Variants in SLC12A8 observed in about 807,000 individuals in gnomAD.
The protein encoded by SLC12A8 is cation-chloride cotransporter 9.
Under a neutral mutation model 75.6 loss-of-function variants are expected in SLC12A8, and 69 were observed. That is an observed-to-expected ratio of 0.91 (90% CI 0.75 to 1.11). The LOEUF (loss-of-function observed/expected upper bound fraction) is 1.11. Ranked by LOEUF, SLC12A8 falls within the 50% of genes most tolerant of loss-of-function variation. The pLI, the probability that SLC12A8 is intolerant of heterozygous loss-of-function variation, is 0.00. For synonymous variants in SLC12A8, 365 were observed against 372.8 expected, an observed-to-expected ratio of 0.98 and a Z score of 0.24; for missense variants, 877 against 896.7, an observed-to-expected ratio of 0.98 and a Z score of 0.28.
At position 125,110,173 on chromosome 3, in the gene SLC12A8, A is replaced by T; in HGVS notation, c.1059+16T>A. On this transcript the variant is annotated intron_variant, in intron 9 of 13. Transcript: ENST00000469902. ...ACATGTTTCAAAAAACAAACCAAAA[A>T]AAGAGGATTACTCACCCCTTGTCCC... is the stretch of plus-strand genomic sequence containing the variant. The T allele has an allele frequency of 1.2e-6, 2 of 1,600,354 alleles. No individual in the cohort carries two copies. Among genetic ancestry groups the T allele is most frequent in the Non-Finnish European group, 1.7e-6 (2 of 1,171,528 alleles).
At chr3:125,142,042 A>T (rs1446580993) in intron 5 of SLC12A8, among the ~76,000 whole-genome samples, 5 of 152,190 alleles carry the variant, frequency 3.3e-5, no homozygotes, top group African/African-American at 1.2e-4. Context: ...CGCGCACGCA[A>T]GACCTCGCAC....
chr3:125,191,830 G>A (rs1354751512), intron 2 of SLC12A8, among the ~76,000 whole-genome samples: 1 of 152,218 alleles, frequency 6.6e-6, no homozygotes, highest in Non-Finnish European at 1.5e-5. Context: ...TGGGACTGAT[G>A]GGCCAGGGGA....
chr3:125,204,537 A>C (rs13101034), intron 2 of SLC12A8, among the ~76,000 whole-genome samples: 38,321 of 152,044 alleles, frequency 0.25, 5,733 homozygotes, highest in Non-Finnish European at 0.34. Flanking sequence ...AGTTGACTTC[A>C]TTGAGCTAAA....
At chr3:125,210,211 C>T (rs915745634) in intron 2 of SLC12A8, among the ~76,000 whole-genome samples, 1 of 152,158 alleles carries the variant, frequency 6.6e-6, no homozygotes, top group African/African-American at 2.4e-5. Context: ...ACTTAAATAC[C>T]AATTTAAATA....
chr3:125,164,346 G>A (rs1934242406), intron 5 of SLC12A8, among the ~76,000 whole-genome samples: 1 of 152,230 alleles, frequency 6.6e-6, no homozygotes, highest in Non-Finnish European at 1.5e-5. Flanking sequence ...TTCCTTGTCT[G>A]TAAAACTGGA....
rs185939857 is a variant in SLC12A8, at chr3:125,144,827, C to T, written c.623-9045G>A. Among the ~76,000 whole-genome samples the T allele has an allele frequency of 1.5e-3, 234 of 152,272 alleles. 1 individual carries two copies. The highest frequency in any genetic ancestry group is 3.5e-3 in the Admixed American group (54 of 15,296). On this transcript the variant is annotated intron_variant, in intron 5 of 13. Transcript: ENST00000469902. Reference sequence around the variant, plus strand: ...ATCCTCGCCAGGCAGGCAGCTGAGACGGGGTGGGAGGTCAAGTGACCCCTG... The same window carrying T: ...ATCCTCGCCAGGCAGGCAGCTGAGATGGGGTGGGAGGTCAAGTGACCCCTG...
intron 5 of SLC12A8, among the ~76,000 whole-genome samples, chr3:125,150,201 T>G (rs1417351155): frequency 6.6e-6 from 1 of 152,132 alleles, no homozygotes; most frequent in Non-Finnish European, 1.5e-5. Flanking sequence ...GAAACTAAAA[T>G]GAGGGTGGGA....
intron 5 of SLC12A8, among the ~76,000 whole-genome samples, chr3:125,171,945 T>A (rs1291309171): frequency 0.06 from 94 of 1,578 alleles, no homozygotes; most frequent in Non-Finnish European, 0.17. Context: ...AAAAAGAAAA[T>A]TAAAAAGTAA....
chr3:125,092,343 A>G, intron 10 of SLC12A8, 145 bp from the exon 11 acceptor site: 1 of 551,396 alleles, frequency 1.8e-6, no homozygotes, highest in South Asian at 2.0e-5. Flanking sequence ...CAGAAGGAAG[A>G]AAGAAGTGTT....
intron 6 of SLC12A8, among the ~76,000 whole-genome samples, chr3:125,121,526 A>T (rs1423062301): frequency 6.6e-6 from 1 of 152,028 alleles, no homozygotes; most frequent in East Asian, 1.9e-4. Flanking sequence ...AATGAATCTA[A>T]CTCCATGATT....
At chr3:125,162,788 A>G (rs1934202655) in intron 5 of SLC12A8, among the ~76,000 whole-genome samples, 1 of 152,146 alleles carries the variant, frequency 6.6e-6, no homozygotes, top group African/African-American at 2.4e-5. Context: ...TAACATACAT[A>G]ATGGTGATTC....
At chr3:125,093,563 A>G in intron 10 of SLC12A8, among the ~76,000 whole-genome samples, 1 of 152,214 alleles carries the variant, frequency 6.6e-6, no homozygotes, top group East Asian at 1.9e-4. Flanking sequence ...TCACTTCCTC[A>G]GGGAAATCAG....
At position 125,118,809 on chromosome 3, in the gene SLC12A8, G is replaced by A. The variant is rs768321636; in HGVS notation, c.872C>T (p.Thr291Ile). The change falls in exon 8 of 14, where the codon ACT becomes ATT. Residue 291 changes from threonine to isoleucine, a missense_variant. Physicochemically the swap from Thr to Ile is moderately conservative, Grantham distance 89. Coordinates refer to ENST00000469902, the MANE Select transcript of SLC12A8 (RefSeq NM_024628.6). ...GAAGTCATAGCGAAGGGCCTCTCGA[G>A]TGCAGATGGCGCCCAGGAGGAAGAC... ...IFVFLLGAIC[T>I]REALRYDFLI... 1 of 1,613,888 alleles carries A rather than the reference G, an allele frequency of 6.2e-7. No homozygotes were observed. The highest frequency in any genetic ancestry group is 8.5e-7 in the Non-Finnish European group (1 of 1,179,874).
At chr3:125,170,800 A>T (rs1579521095) in intron 5 of SLC12A8, among the ~76,000 whole-genome samples, 1 of 152,222 alleles carries the variant, frequency 6.6e-6, no homozygotes, top group South Asian at 2.1e-4. Context: ...CTGTAGTCCC[A>T]GCTACTCAGG....
chr3:125,178,036 A>T, intron 4 of SLC12A8, 62 bp from the exon 5 acceptor site: 1 of 1,378,352 alleles, frequency 7.3e-7, no homozygotes, highest in Non-Finnish European at 1.0e-6. Context: ...CATGGGCAGA[A>T]CCGCCCAGCG....
intron 5 of SLC12A8, among the ~76,000 whole-genome samples, chr3:125,172,913 T>G (rs1405487737): frequency 6.6e-6 from 1 of 152,232 alleles, no homozygotes; most frequent in Admixed American, 6.5e-5. Flanking sequence ...GCGCAGTGGC[T>G]CACACCTGTA....
At chr3:125,181,863 A>G (rs1477839456) in intron 4 of SLC12A8, among the ~76,000 whole-genome samples, 3 of 152,096 alleles carry the variant, frequency 2.0e-5, no homozygotes, top group Admixed American at 6.5e-5. Flanking sequence ...GACTATTAGG[A>G]AAAAAACTAC....
At chr3:125,193,387 A>G (rs1934944170) in intron 2 of SLC12A8, among the ~76,000 whole-genome samples, 1 of 152,148 alleles carries the variant, frequency 6.6e-6, no homozygotes, top group Non-Finnish European at 1.5e-5. Context: ...AAGAAGTAGC[A>G]GCTTGTGTGT....
At chr3:125,098,807 TG>T (rs1938786385) in intron 10 of SLC12A8, among the ~76,000 whole-genome samples, 1 of 152,152 alleles carries the variant, frequency 6.6e-6, no homozygotes, top group Non-Finnish European at 1.5e-5. Flanking sequence ...GGGGCAAAGT[TG>T]ATTTGAAGCC....
Sources: gnomAD v4.1 joint callset for allele counts (sites outside exome capture counted in the v4.1 genomes callset) on GRCh38, gnomAD v4.1.1 for gene constraint, MANE v1.5 for transcripts, NCBI Gene and HGNC (gene_info 2026-07-23, HGNC 2026-07-21) for gene names.